ADAMDEC1: variants seen among roughly 807,000 people sequenced by gnomAD.
ADAMDEC1 encodes the protein ADAM DEC1.
In ADAMDEC1, 62 loss-of-function variants were observed where a neutral mutation model predicts 60.4. That is an observed-to-expected ratio of 1.03 (90% CI 0.84 to 1.27). ADAMDEC1 has a LOEUF of 1.27. ADAMDEC1 is among the 50% of genes most tolerant of loss of function. ADAMDEC1 has a pLI of 0.00. For synonymous variants in ADAMDEC1, 210 were observed against 195.1 expected (o/e 1.08, Z -0.64); for missense variants, 595 against 565.0 (o/e 1.05, Z -0.54).
chr8:24,398,604 G>A, intron 8 of ADAMDEC1, 53 bp downstream of exon 8: 1 of 1,276,294 alleles, frequency 7.8e-7, no homozygotes, highest in Non-Finnish European at 1.1e-6. Context: ...AGTTCTGCCT[G>A]GAACTTCCCT....
At chr8:24,395,659 C>G in intron 4 of ADAMDEC1, 61 bp from the exon 5 acceptor site, 1 of 1,109,040 alleles carries the variant, frequency 9.0e-7, no homozygotes, top group Admixed American at 1.9e-5. Flanking sequence ...ACATTACACA[C>G]ACACTCACAT....
chr8:24,390,741 A>G (rs1817423321), intron 1 of ADAMDEC1, among the ~76,000 whole-genome samples: 1 of 151,764 alleles, frequency 6.6e-6, no homozygotes, highest in Admixed American at 6.6e-5. Context: ...AAACAAAACA[A>G]AACAAAACAA....
At chr8:24,399,610 CA>C (rs1279562292) in intron 10 of ADAMDEC1, 136 bp downstream of exon 10, 2 of 782,928 alleles carry the variant, frequency 2.6e-6, no homozygotes, top group Non-Finnish European at 2.2e-6. Flanking sequence ...ACTGGTAGGT[CA>C]TTGCACTGAA....
Position 24,397,681 on chromosome 8 carries a change from A to G in ADAMDEC1, c.628-2A>G. Reference sequence around the variant, plus strand: ...AACAATGTTCTTTTATTCTTTGTAAAGAAAGAAGACTTTCTTCGGGCACAG... The same window carrying G: ...AACAATGTTCTTTTATTCTTTGTAAGGAAAGAAGACTTTCTTCGGGCACAG... On this transcript the variant is annotated splice_acceptor_variant, in intron 6 of 13. Coordinates refer to ENST00000256412, the MANE Select transcript of ADAMDEC1 (RefSeq NM_014479.3). LOFTEE classifies it high-confidence loss of function. 1 of 1,612,182 alleles carries G rather than the reference A, an allele frequency of 6.2e-7. No homozygotes were observed. Among genetic ancestry groups the G allele is most frequent in the Non-Finnish European group, 8.5e-7 (1 of 1,178,798 alleles).
Position 24,402,035 on chromosome 8 carries a change from AGT to A in ADAMDEC1, c.1269_1270del (p.Cys423TrpfsTer12), listed in dbSNP as rs776426243. The A allele has an allele frequency of 1.9e-6, 3 of 1,613,088 alleles. No individual in the cohort carries two copies. In the African/African-American group the frequency reaches 4.0e-5, roughly 22 times the overall value. ...TTCCTACAAATATAATGACAACACC[AGT>A]GTGTGGGAACCACCTTCTAGAAGTG... ...PIPTNIMTTPVCGNHLLEVGE... is the reference protein window; with the variant it reads ...PIPTNIMTTPXCGNHLLEVGE... On this transcript the variant is annotated frameshift_variant, in exon 12 of 14. Transcript: ENST00000256412. LOFTEE classifies it high-confidence loss of function.
Position 24,397,773 on chromosome 8 carries a change from G to C in ADAMDEC1, c.690+28G>C, listed in dbSNP as rs2129360842. On this transcript the variant is annotated intron_variant, in intron 7 of 13. Transcript: ENST00000256412. ...GAGTATGAAACACACGGCCCTCTCG[G>C]CCAGTTCAGTCACCCTTTAAGTTTA... 6 of 1,600,914 alleles carry C rather than the reference G, an allele frequency of 3.7e-6. No homozygotes were observed. In the East Asian group the frequency reaches 1.3e-4, roughly 36 times the overall value.
In ADAMDEC1 at chr8:24,405,788, CTTCGCCTTGCTCTTGA is replaced by C. The variant is rs1817874063; in HGVS notation, c.*491_*506del. 6.5e-6 allele frequency: 1 copy of C among 153,122 alleles called. No individual in the cohort carries two copies. The highest frequency in any genetic ancestry group is 1.5e-5 in the Non-Finnish European group (1 of 68,760). 9.5% of individuals were successfully genotyped at this position (153,122 alleles called of 1,614,324 possible). A position where few individuals can be genotyped will look rare whatever the true frequency, so the allele number is the denominator to read the frequency against. ...GTTTTATGTTATTCCTCTGTGTTCA[CTTCGCCTTGCTCTTGA>C]AAGTGCAGTATTTTTCTACATCATG... On this transcript the variant is annotated 3_prime_UTR_variant, in exon 14 of 14. Transcript: ENST00000256412.
chr8:24,385,241 A>T (rs1026932680), intron 1 of ADAMDEC1, among the ~76,000 whole-genome samples: 1 of 152,156 alleles, frequency 6.6e-6, no homozygotes, highest in Non-Finnish European at 1.5e-5. Flanking sequence ...GTATAAACAC[A>T]TTTGTGCTAA....
rs756202149 is a variant in ADAMDEC1, at chr8:24,397,360, G to A, written c.531G>A (p.Gln177=). 6.2e-7 allele frequency: 1 copy of A among 1,614,016 alleles called. No individual in the cohort carries two copies. Among genetic ancestry groups the A allele is most frequent in the Admixed American group, 1.7e-5 (1 of 60,008 alleles). ...AACATGCCGTCTTTACATCTAACCA[G>A]GAGGAACAAGACCCAGCTAACCACA... ...EKEHAVFTSN[Q]EEQDPANHTC... is the part of the protein sequence containing the mutation. Residue 177 remains glutamine, a synonymous_variant, in exon 6 of 14, where the codon CAG becomes CAA. Transcript: ENST00000256412.
At chr8:24,397,894 A>G in intron 7 of ADAMDEC1, 149 bp downstream of exon 7, 1 of 668,594 alleles carries the variant, frequency 1.5e-6, no homozygotes, top group Non-Finnish European at 2.5e-6. Flanking sequence ...TGCCAGCAAT[A>G]GTTATCTCCT....
chr8:24,392,313 C>T lies in ADAMDEC1; in HGVS notation c.140C>T (p.Pro47Leu), dbSNP rs1817465724. ...TTAACGCTCCATGAAATAGTTTGTC[C>T]TAAAAAACTTCACATTTTACACAAA... The part of the protein sequence containing the change: ...PELTLHEIVC[P>L]KKLHILHKRE... Residue 47 changes from proline (P) to leucine (L), a missense_variant, in exon 2 of 14, where the codon CCT becomes CTT. Pro to Leu is a moderately conservative substitution (Grantham distance 98). Coordinates refer to ENST00000256412, the MANE Select transcript of ADAMDEC1 (RefSeq NM_014479.3). The T allele has an allele frequency of 1.9e-6, 3 of 1,610,954 alleles. No individual in the cohort carries two copies. The highest frequency in any genetic ancestry group is 2.5e-6 in the Non-Finnish European group (3 of 1,178,512).
chr8:24,401,813 T>C, intron 11 of ADAMDEC1, 102 bp from the exon 12 acceptor site: 1 of 1,051,160 alleles, frequency 9.5e-7, no homozygotes, highest in Non-Finnish European at 1.4e-6. Flanking sequence ...GGTAATACAG[T>C]TAGATAAATC....
At chr8:24,399,669 A>G (rs1017513158) in intron 10 of ADAMDEC1, among the ~76,000 whole-genome samples, 195 bp downstream of exon 10, 7 of 152,328 alleles carry the variant, frequency 4.6e-5, no homozygotes, top group African/African-American at 1.7e-4. Context: ...CAGCCTTGCT[A>G]GAACGTGCCA....
At chr8:24,385,230 T>C (rs1253235661) in intron 1 of ADAMDEC1, among the ~76,000 whole-genome samples, 1 of 152,202 alleles carries the variant, frequency 6.6e-6, no homozygotes, top group African/African-American at 2.4e-5. Flanking sequence ...CGTATTTCCA[T>C]GTATAAACAC....
chr8:24,402,214 G>A (rs1563358025), intron 12 of ADAMDEC1, 122 bp downstream of exon 12: 1 of 901,546 alleles, frequency 1.1e-6, no homozygotes, highest in Admixed American at 3.3e-5. Context: ...GGAGATTTGT[G>A]CTTGTGTTTT....
chr8:24,404,366 T>C (rs1032462660), intron 13 of ADAMDEC1, among the ~76,000 whole-genome samples: 2 of 152,016 alleles, frequency 1.3e-5, no homozygotes, highest in Non-Finnish European at 2.9e-5. Flanking sequence ...GAACGATGAG[T>C]TTAATACAAA....
chr8:24,397,718 T>A lies in ADAMDEC1; in HGVS notation c.663T>A (p.Asp221Glu). ...TTCTTCGGGCACAGAAATACATTGA[T>A]CTCTATTTGGTGCTGGATAATGCCT... ...EDFLRAQKYI[D>E]LYLVLDNAFY... The change falls in exon 7 of 14, where the codon GAT becomes GAA. Residue 221 changes from aspartate (D) to glutamate (E), a missense_variant. Asp to Glu is a conservative substitution (Grantham distance 45). Transcript: ENST00000256412. The A allele has an allele frequency of 6.2e-7, 1 of 1,613,654 alleles. No individual in the cohort carries two copies. The highest frequency in any genetic ancestry group is 2.2e-5 in the East Asian group (1 of 44,794).
At chr8:24,399,549 T>A in intron 10 of ADAMDEC1, 75 bp downstream of exon 10, 2 of 1,186,028 alleles carry the variant, frequency 1.7e-6, no homozygotes, top group South Asian at 1.2e-5. Context: ...TTATATAGAA[T>A]GAGCAAAATG....
chr8:24,400,089 C>A, intron 10 of ADAMDEC1, 81 bp from the exon 11 acceptor site: 1 of 1,190,526 alleles, frequency 8.4e-7, no homozygotes, highest in Non-Finnish European at 1.1e-6. Context: ...TAGTTTTCAT[C>A]TCTTAAGCCA....
Sources: allele counts gnomAD v4.1 joint callset (sites outside exome capture counted in the v4.1 genomes callset), GRCh38; gene constraint gnomAD v4.1.1; transcripts MANE v1.5; gene names NCBI Gene and HGNC (gene_info 2026-07-23, HGNC 2026-07-21).